Variants in PDE6A observed in about 807,000 individuals in gnomAD.
The protein encoded by PDE6A is phosphodiesterase 6A.
In PDE6A, 84 loss-of-function variants were observed where a neutral mutation model predicts 106.3. The observed-to-expected ratio is 0.79, with a 90% CI of 0.66 to 0.95. PDE6A has a LOEUF of 0.95. Ranked by LOEUF, PDE6A falls within the 40% of genes least tolerant of loss-of-function variation. PDE6A has a pLI of 0.00. For synonymous variants in PDE6A, 394 were observed against 386.6 expected (o/e 1.02, Z -0.23); for missense variants, 1,052 against 1,084.9 (o/e 0.97, Z 0.43).
In PDE6A at chr5:149,863,790, AT is replaced by A. The variant is rs575932241; in HGVS notation, c.2359-525del. Among the ~76,000 whole-genome samples the A allele has an allele frequency of 2.0e-5, 3 of 151,626 alleles. No individual in the cohort carries two copies. Among genetic ancestry groups the A allele is most frequent in the Non-Finnish European group, 2.9e-5 (2 of 67,844 alleles). On this transcript the variant is annotated intron_variant, in intron 20 of 21. Transcript: ENST00000255266. The surrounding 1 kb of genome is among the most constrained non-coding windows in gnomAD (Gnocchi z 4.7). ...AGGCTCATGCCACCACACCCAGGTA[AT>A]TTTTTTTATTTTTGTAGATACAGGG...
At chr5:149,873,272 G>A (rs972246565) in intron 17 of PDE6A, among the ~76,000 whole-genome samples, 8 of 151,878 alleles carry the variant, frequency 5.3e-5, no homozygotes, top group African/African-American at 1.7e-4. Flanking sequence ...AAAGAATACA[G>A]CTTTATTTAT....
chr5:149,934,149 G>C, intron 2 of PDE6A, 130 bp from the exon 3 acceptor site: 1 of 697,646 alleles, frequency 1.4e-6, no homozygotes, highest in East Asian at 2.7e-5. Flanking sequence ...ATGGATCCTA[G>C]AATGCAGACT....
At chr5:149,877,584 A>G (rs1219726066) in intron 17 of PDE6A, among the ~76,000 whole-genome samples, 3 of 151,940 alleles carry the variant, frequency 2.0e-5, no homozygotes, top group South Asian at 2.1e-4. Flanking sequence ...TAATTTTTGT[A>G]TTTTTAGTAG....
chr5:149,903,729 A>G (rs933197813), intron 7 of PDE6A, 34 bp from the exon 8 acceptor site: 1 of 1,584,120 alleles, frequency 6.3e-7, no homozygotes, highest in Admixed American at 1.7e-5. Context: ...TGAAGGTGTG[A>G]TTAGGCCTGA....
rs121918577 is a variant in PDE6A, at chr5:149,907,345, G to T, written c.1032C>A (p.Ser344Arg). ...NPPPDHWALVSGLPAYVAQNG... is the reference protein window; with the variant it reads ...NPPPDHWALVRGLPAYVAQNG... ...TCTGGGCAACATAAGCTGGGAGACC[G>T]CTTACTAAAGCCCAATGGTCAGGAG... Residue 344 changes from serine (S) to arginine (R), a missense_variant, in exon 7 of 22, where the codon AGC (serine) becomes AGA (arginine). Ser to Arg is a moderately radical substitution (Grantham distance 110). Around this residue, in one of 3 missense-constraint regions of PDE6A, gnomAD observed 913 missense variants for 915.2 expected, o/e 1.00. Coordinates refer to ENST00000255266, the MANE Select transcript of PDE6A (RefSeq NM_000440.3). The T allele has an allele frequency of 1.9e-6, 3 of 1,613,836 alleles. No homozygotes were observed. The highest frequency in any genetic ancestry group is 2.5e-6 in the Non-Finnish European group (3 of 1,179,792).
intron 13 of PDE6A, among the ~76,000 whole-genome samples, chr5:149,890,426 T>C (rs1466995730): frequency 6.6e-6 from 1 of 152,234 alleles, no homozygotes; most frequent in East Asian, 1.9e-4. Context: ...CATTGTCAAA[T>C]ACAATTAATG....
chr5:149,895,300 C>T lies in PDE6A; in HGVS notation c.1621-10G>A. Reference sequence around the variant, plus strand: ...TGAACCGCACCAGGGCCTGTGAACACATGCACATCAGTGAGGCAGGACACA... The same window carrying T: ...TGAACCGCACCAGGGCCTGTGAACATATGCACATCAGTGAGGCAGGACACA... On this transcript the variant is annotated splice_polypyrimidine_tract_variant and intron_variant, in intron 12 of 21. Transcript: ENST00000255266. The T allele has an allele frequency of 6.4e-7, 1 of 1,574,238 alleles. No individual in the cohort carries two copies. Among genetic ancestry groups the T allele is most frequent in the Non-Finnish European group, 8.7e-7 (1 of 1,143,512 alleles).
chr5:149,905,232 C>T (rs553346913), intron 7 of PDE6A, among the ~76,000 whole-genome samples: 3 of 152,252 alleles, frequency 2.0e-5, no homozygotes, highest in Admixed American at 1.3e-4. Flanking sequence ...TCTTTCTCCA[C>T]CCACTCTGTA....
chr5:149,896,828 C>T (rs374736946), intron 10 of PDE6A, 52 bp from the exon 11 acceptor site: 32 of 1,587,550 alleles, frequency 2.0e-5, no homozygotes, highest in Admixed American at 8.3e-5. Flanking sequence ...AACATGCCTC[C>T]GCGTTTCCAT....
chr5:149,916,806 T>C (rs1402884134), intron 5 of PDE6A, among the ~76,000 whole-genome samples: 1 of 152,176 alleles, frequency 6.6e-6, no homozygotes, highest in Non-Finnish European at 1.5e-5. Context: ...CCTGGGTCCT[T>C]AATTCCCAGC....
intron 16 of PDE6A, among the ~76,000 whole-genome samples, 179 bp downstream of exon 16, chr5:149,884,298 GTA>G (rs1333768376): frequency 6.8e-6 from 1 of 146,320 alleles, no homozygotes; most frequent in Non-Finnish European, 1.5e-5. Flanking sequence ...GTGTATATAT[GTA>G]TATATGTGTA....
chr5:149,920,222 A>C (rs1753662807), intron 5 of PDE6A, among the ~76,000 whole-genome samples: 1 of 152,190 alleles, frequency 6.6e-6, no homozygotes, highest in African/African-American at 2.4e-5. Context: ...CAGAGATCAG[A>C]AACTTAAATG....
rs372592244 is a variant in PDE6A at position 149,860,844 on chromosome 5, T to G, written c.*51A>C. 1.6e-5 allele frequency: 23 copies of G among 1,482,474 alleles called. No homozygotes were observed. The highest frequency in any genetic ancestry group is 1.6e-5 in the Non-Finnish European group (17 of 1,060,384). 91.8% of individuals were successfully genotyped at this position (1,482,474 alleles called of 1,614,324 possible). A position where few individuals can be genotyped will look rare whatever the true frequency, so the allele number is the denominator to read the frequency against. ...TGTGGTCTTCCACTGGCTTGAGTCA[T>G]CTCTTCCCAGGAAAGGGTGGTGCCG... On this transcript the variant is annotated 3_prime_UTR_variant, in exon 22 of 22. Transcript: ENST00000255266.
At chr5:149,922,112 C>T (rs1753740176) in intron 4 of PDE6A, among the ~76,000 whole-genome samples, 1 of 151,856 alleles carries the variant, frequency 6.6e-6, no homozygotes, top group East Asian at 1.9e-4. Flanking sequence ...TATAAGTGCC[C>T]AAGAAGAAAG....
chr5:149,863,663 A>C lies in PDE6A; in HGVS notation c.2359-397T>G, dbSNP rs959067035. On this transcript the variant is annotated intron_variant, in intron 20 of 21. Coordinates refer to ENST00000255266, the MANE Select transcript of PDE6A (RefSeq NM_000440.3). The surrounding 1 kb of genome is among the most constrained non-coding windows in gnomAD (Gnocchi z 4.7). ...CTTTCCAAGACAGGGCCTCACTGTC[A>C]TCCAGGCTGGAGTGCAGTGGCACAA... 1.3e-5 allele frequency among the ~76,000 whole-genome samples: 2 copies of C among 151,838 alleles called. No homozygotes were observed. The highest frequency in any genetic ancestry group is 4.8e-5 in the African/African-American group (2 of 41,308).
intron 13 of PDE6A, among the ~76,000 whole-genome samples, 157 bp from the exon 14 acceptor site, chr5:149,886,531 G>A (rs1261758137): frequency 6.6e-6 from 1 of 152,188 alleles, no homozygotes; most frequent in Non-Finnish European, 1.5e-5. Flanking sequence ...GGACTGCCCA[G>A]GGCTGAGGGG....
intron 13 of PDE6A, among the ~76,000 whole-genome samples, chr5:149,889,081 C>CAAAAAAA (rs568428704): frequency 1.1e-4 from 7 of 61,576 alleles, no homozygotes; most frequent in Non-Finnish European, 1.8e-4. Context: ...GACTCTGTCT[C>CAAAAAAA]AAAAAAAAAA....
At chr5:149,921,193 G>A (rs1753708103) in intron 5 of PDE6A, among the ~76,000 whole-genome samples, 1 of 152,098 alleles carries the variant, frequency 6.6e-6, no homozygotes, top group South Asian at 2.1e-4. Context: ...CCACAGCTGT[G>A]AAATGAGTAT....
At chr5:149,933,827 G>C in intron 3 of PDE6A, 103 bp downstream of exon 3, 1 of 801,370 alleles carries the variant, frequency 1.2e-6, no homozygotes, top group Non-Finnish European at 2.1e-6. Context: ...CCAGAGACTG[G>C]CTTCCTAGGC....
Sources: allele counts gnomAD v4.1 joint callset (sites outside exome capture counted in the v4.1 genomes callset), GRCh38; gene constraint gnomAD v4.1.1; regional missense constraint gnomAD v4.1.1; non-coding constraint Gnocchi (gnomAD v3.1); transcripts MANE v1.5; gene names NCBI Gene and HGNC (gene_info 2026-07-23, HGNC 2026-07-21).